The following PPP2R2D variants were observed in gnomAD, a reference collection of about 807,000 sequenced individuals.
The protein encoded by PPP2R2D is serine/threonine-protein phosphatase 2A 55 kDa regulatory subunit B delta isoform.
PPP2R2D carries 9 observed loss-of-function variants against 31.1 expected under a neutral mutation model. The observed-to-expected ratio is 0.29, with a 90% confidence interval of 0.17 to 0.51. The LOEUF (loss-of-function observed/expected upper bound fraction) is 0.51, where lower values mean the gene tolerates loss of function less well. Among genes scored for constraint, PPP2R2D ranks in the 20% least tolerant of loss-of-function variants. The pLI, the probability that PPP2R2D is intolerant of heterozygous loss-of-function variation, is 0.98. For synonymous variants in PPP2R2D, 179 were observed against 172.6 expected, an observed-to-expected ratio of 1.04 and a Z score of -0.29; for missense variants, 391 against 465.6, an observed-to-expected ratio of 0.84 and a Z score of 1.48.
At chr10:131,961,408 G>A (rs563327916), downstream of PPP2R2D, among the ~76,000 whole-genome samples, 1 of 152,266 alleles carries the variant, frequency 6.6e-6, no homozygotes, top group African/African-American at 2.4e-5. Context: ...TTTGGCTGCT[G>A]TGGGTGGCAA....
rs1348570862 is a variant in PPP2R2D at position 131,901,175 on chromosome 10, C to T, written c.7+20C>T. The T allele has an allele frequency of 6.4e-6, 2 of 312,402 alleles. No individual in the cohort carries two copies. The highest frequency in any genetic ancestry group is 2.3e-5 in the African/African-American group (1 of 44,064). 19.4% of individuals were successfully genotyped at this position (312,402 alleles called of 1,614,324 possible). On this transcript the variant is annotated intron_variant, in intron 1 of 8. Transcript: ENST00000455566. ...TGGCAGGTGAGGGGTCTGCGCGGGC[C>T]GGCGGGGACCACGGGGGCGGGCGGG...
chr10:131,902,433 ATG>A (rs2035515665), intron 2 of PPP2R2D, among the ~76,000 whole-genome samples: 1 of 152,094 alleles, frequency 6.6e-6, no homozygotes, highest in Non-Finnish European at 1.5e-5. Flanking sequence ...GGTTTGGCAC[ATG>A]ACCCCTGAGG....
chr10:131,945,438 C>G lies in PPP2R2D; in HGVS notation c.799C>G (p.Leu267Val), dbSNP rs1554897868. ...IRLCDMRSSA[L>V]CDRHSKFFEE... is the part of the protein sequence containing the mutation. ...CCTGTGTGACATGCGCTCCTCGGCC[C>G]TGTGCGACAGACACTCCAAGTGTAA... The change falls in exon 7 of 9, where the codon CTG (leucine) becomes GTG (valine). Residue 267 changes from leucine (L) to valine (V), a missense_variant. This residue lies in a region of PPP2R2D where 123 missense variants were observed against 187.7 expected (regional missense o/e 0.66). Transcript: ENST00000455566. This position sits in a 1 kb window ranked among gnomAD's most constrained non-coding sequence, Gnocchi z 4.8. 9 of 1,612,918 alleles carry G rather than the reference C, an allele frequency of 5.6e-6. No individual in the cohort carries two copies. Among genetic ancestry groups the G allele is most frequent in the Non-Finnish European group, 8.5e-7 (1 of 1,179,364 alleles).
At chr10:131,963,902 G>C (rs1554901845), downstream of PPP2R2D, among the ~76,000 whole-genome samples, 1 of 152,160 alleles carries the variant, frequency 6.6e-6, no homozygotes, top group East Asian at 1.9e-4. Flanking sequence ...CACCTGCCTT[G>C]GCACCTGCCT....
chr10:131,908,371 T>A (rs1253421451), intron 2 of PPP2R2D, among the ~76,000 whole-genome samples: 1 of 152,174 alleles, frequency 6.6e-6, no homozygotes, highest in Non-Finnish European at 1.5e-5. Context: ...ACTTGGCGAG[T>A]CCCTGCTCCA....
At chr10:131,910,180 C>G (rs1177529627) in intron 2 of PPP2R2D, among the ~76,000 whole-genome samples, 1 of 152,206 alleles carries the variant, frequency 6.6e-6, no homozygotes. Flanking sequence ...TTTCTGTACT[C>G]TCTTCCGTCA....
intron 2 of PPP2R2D, 60 bp downstream of exon 2, chr10:131,901,390 G>A: frequency 2.9e-6 from 1 of 347,240 alleles, no homozygotes; most frequent in East Asian, 4.3e-5. Context: ...GCCCGGCCGC[G>A]CGCGGCCTCC....
chr10:131,953,904 C>T (rs1177037517), intron 8 of PPP2R2D, among the ~76,000 whole-genome samples: 2 of 152,172 alleles, frequency 1.3e-5, no homozygotes, highest in African/African-American at 2.4e-5. Flanking sequence ...CATCTAAAAG[C>T]GTTCCCAGTA....
chr10:131,970,255 C>T, the PPP2R2D span: 4 of 223,408 alleles, frequency 1.8e-5, no homozygotes, highest in Non-Finnish European at 2.6e-5. The surrounding 1 kb of genome is among the most constrained non-coding windows in gnomAD (Gnocchi z 4.1). Flanking sequence ...GGAAGTACAG[C>T]AGGTAACTGA....
chr10:131,965,877 C>A, the PPP2R2D span, among the ~76,000 whole-genome samples: 1 of 152,204 alleles, frequency 6.6e-6, no homozygotes. Flanking sequence ...CCCTTCTCAT[C>A]GCGAGCTCTT....
intron 2 of PPP2R2D, among the ~76,000 whole-genome samples, chr10:131,915,545 C>G (rs117067302): frequency 6.6e-6 from 1 of 152,244 alleles, no homozygotes; most frequent in African/African-American, 2.4e-5. Flanking sequence ...TCCCCAACTC[C>G]GTTGCCCGCA....
At chr10:131,919,549 AAT>A (rs2035920466) in intron 2 of PPP2R2D, among the ~76,000 whole-genome samples, 2 of 111,544 alleles carry the variant, frequency 1.8e-5, no homozygotes, top group African/African-American at 3.5e-5. Context: ...AGGCGGGTGG[AAT>A]GACACAATGT....
intron 2 of PPP2R2D, among the ~76,000 whole-genome samples, chr10:131,901,693 G>A (rs2035499972): frequency 6.6e-6 from 1 of 152,186 alleles, no homozygotes; most frequent in Non-Finnish European, 1.5e-5. Context: ...CGGCGGAGCC[G>A]GGGACGGGAA....
chr10:131,927,029 C>CA (rs2036120529), intron 2 of PPP2R2D, among the ~76,000 whole-genome samples: 1 of 152,248 alleles, frequency 6.6e-6, no homozygotes, highest in Non-Finnish European at 1.5e-5. Context: ...TAGCTTGGGT[C>CA]ATCCCGCTCC....
chr10:131,944,261 G>T, intron 6 of PPP2R2D, 116 bp downstream of exon 6: 2 of 750,186 alleles, frequency 2.7e-6, no homozygotes, highest in Non-Finnish European at 4.2e-6. Context: ...TACCATCACT[G>T]CACAGCAGCC....
chr10:131,905,735 A>G (rs1284231129), intron 2 of PPP2R2D, among the ~76,000 whole-genome samples: 2 of 152,142 alleles, frequency 1.3e-5, no homozygotes, highest in Non-Finnish European at 2.9e-5. Flanking sequence ...AAGCGAGTGT[A>G]TGGCAGGGCC....
At chr10:131,917,431 T>G (rs868916267) in intron 2 of PPP2R2D, among the ~76,000 whole-genome samples, 27 of 78,562 alleles carry the variant, frequency 3.4e-4, no homozygotes, top group African/African-American at 8.4e-4. Flanking sequence ...GGGACCTCAG[T>G]CGGGTGGAAT....
At chr10:131,955,124 G>C (rs542073161) in intron 8 of PPP2R2D, among the ~76,000 whole-genome samples, 35 of 152,306 alleles carry the variant, frequency 2.3e-4, no homozygotes, top group African/African-American at 7.9e-4. Context: ...AAGCATGGAC[G>C]GTATTGTATT....
chr10:131,916,194 G>C (rs1385679662), intron 2 of PPP2R2D, among the ~76,000 whole-genome samples: 1 of 152,214 alleles, frequency 6.6e-6, no homozygotes, highest in Non-Finnish European at 1.5e-5. Flanking sequence ...ACAGGCTGTG[G>C]TGGAGGCGCA....
Sources: allele counts gnomAD v4.1 joint callset (sites outside exome capture counted in the v4.1 genomes callset), GRCh38; gene constraint gnomAD v4.1.1; regional missense constraint gnomAD v4.1.1; non-coding constraint Gnocchi (gnomAD v3.1); transcripts MANE v1.5; gene names NCBI Gene and HGNC (gene_info 2026-07-23, HGNC 2026-07-21).